Variants in KLHL14 observed in about 807,000 individuals in gnomAD.
The protein encoded by KLHL14 is kelch-like protein 14.
In KLHL14, 22 loss-of-function variants were observed where a neutral mutation model predicts 64.3. That is an observed-to-expected ratio of 0.34 (90% CI 0.24 to 0.49). The LOEUF (loss-of-function observed/expected upper bound fraction) is 0.49, where lower values mean the gene tolerates loss of function less well. Among genes scored for constraint, KLHL14 ranks in the 20% least tolerant of loss-of-function variants. The pLI, the probability that KLHL14 is intolerant of heterozygous loss-of-function variation, is 0.99. For missense variants in KLHL14, 661 were observed against 789.0 expected, an observed-to-expected ratio of 0.84 and a Z score of 1.94; for synonymous variants, 322 against 333.4, an observed-to-expected ratio of 0.97 and a Z score of 0.37.
intron 7 of KLHL14, 23 bp from the exon 8 acceptor site, chr18:32,677,353 A>G: frequency 6.3e-7 from 1 of 1,593,256 alleles, no homozygotes; most frequent in South Asian, 1.1e-5. Flanking sequence ...ACAAAGTGGA[A>G]CAACAAAATG....
At chr18:32,715,574 T>G (rs1193442787) in intron 3 of KLHL14, among the ~76,000 whole-genome samples, 1 of 152,160 alleles carries the variant, frequency 6.6e-6, no homozygotes, top group East Asian at 1.9e-4. Context: ...TATAATAAAT[T>G]GTTTTAAGTT....
chr18:32,685,303 G>T (rs1297456878), intron 5 of KLHL14, among the ~76,000 whole-genome samples: 2 of 152,094 alleles, frequency 1.3e-5, no homozygotes, highest in Non-Finnish European at 2.9e-5. Flanking sequence ...AGGTTTTGCA[G>T]CAATACTTCC....
intron 3 of KLHL14, among the ~76,000 whole-genome samples, chr18:32,699,562 G>T (rs2049953600): frequency 6.6e-6 from 1 of 152,034 alleles, no homozygotes; most frequent in Admixed American, 6.6e-5. Flanking sequence ...GTACCGAACG[G>T]CAGAGATAGA....
At chr18:32,714,680 C>A (rs1355042561) in intron 3 of KLHL14, among the ~76,000 whole-genome samples, 1 of 152,184 alleles carries the variant, frequency 6.6e-6, no homozygotes, top group African/African-American at 2.4e-5. Context: ...ACACCCGTTG[C>A]TGCTTCCTGT....
In KLHL14 at chr18:32,677,174, A is replaced by T; in HGVS notation, c.1745T>A (p.Met582Lys). 1 of 1,611,184 alleles carries T rather than the reference A, an allele frequency of 6.2e-7. No individual in the cohort carries two copies. The highest frequency in any genetic ancestry group is 8.5e-7 in the Non-Finnish European group (1 of 1,178,898). Residue 582 changes from methionine to lysine, a missense_variant and splice_region_variant, in exon 8 of 9, where the codon ATG (methionine) becomes AAG (lysine). Coordinates refer to ENST00000359358, the MANE Select transcript of KLHL14 (RefSeq NM_020805.3). ...IYLVGGYSWS[M>K]GAYKSSTICY... ...GATGCAGTAAATGTGGACACATACC[A>T]TACTCCAGCTGTAGCCTCCCACAAG...
intron 4 of KLHL14, among the ~76,000 whole-genome samples, chr18:32,692,492 G>A (rs1275983002): frequency 6.6e-6 from 1 of 152,172 alleles, no homozygotes; most frequent in Non-Finnish European, 1.5e-5. Context: ...ATGTTTTAGT[G>A]TTAATTGCAT....
chr18:32,695,550 T>C lies in KLHL14; in HGVS notation c.1072A>G (p.Met358Val). 6.3e-7 allele frequency: 1 copy of C among 1,575,034 alleles called. No individual in the cohort carries two copies. The highest frequency in any genetic ancestry group is 8.6e-7 in the Non-Finnish European group (1 of 1,156,392). ...CAGTGGTGGGCACTGTTGTATGGCA[T>C]AACTGAAATTAAGAAAAAAAAAAAA... ...EKKTWKILTI[M>V]PYNSAHHCVV... is the part of the protein sequence containing the mutation. The change falls in exon 4 of 9, where the codon ATG (methionine) becomes GTG (valine). Residue 358 changes from methionine (M) to valine (V), a missense_variant and splice_region_variant. Transcript: ENST00000359358.
At chr18:32,769,590 C>CCCCCCACAGG in intron 2 of KLHL14, 55 bp downstream of exon 2, 1 of 843,112 alleles carries the variant, frequency 1.2e-6, no homozygotes, top group Non-Finnish European at 1.6e-6. Flanking sequence ...CCCCTCCCTC[C>CCCCCCACAGG]GGCCTCTCTG....
At chr18:32,686,751 T>C (rs2049881223) in intron 5 of KLHL14, among the ~76,000 whole-genome samples, 1 of 152,162 alleles carries the variant, frequency 6.6e-6, no homozygotes, top group Admixed American at 6.5e-5. Flanking sequence ...TTGAATTTAA[T>C]ATTAAATAAT....
At chr18:32,704,225 T>G (rs2144493752) in intron 3 of KLHL14, among the ~76,000 whole-genome samples, 1 of 152,270 alleles carries the variant, frequency 6.6e-6, no homozygotes, top group African/African-American at 2.4e-5. Flanking sequence ...CAAAAATGAT[T>G]GTTATGTAGT....
At chr18:32,692,314 G>A (rs1303866195) in intron 4 of KLHL14, among the ~76,000 whole-genome samples, 2 of 151,998 alleles carry the variant, frequency 1.3e-5, no homozygotes, top group African/African-American at 4.8e-5. Flanking sequence ...TACTTCAAGG[G>A]CACACATCTC....
chr18:32,757,567 A>G (rs975076615), intron 2 of KLHL14, among the ~76,000 whole-genome samples: 6 of 152,154 alleles, frequency 3.9e-5, no homozygotes, highest in Non-Finnish European at 7.3e-5. Flanking sequence ...ATCAGTTATC[A>G]TGTCTTGGAA....
intron 7 of KLHL14, among the ~76,000 whole-genome samples, chr18:32,678,644 G>A (rs962497529): frequency 1.3e-5 from 2 of 152,128 alleles, no homozygotes; most frequent in African/African-American, 4.8e-5. Flanking sequence ...TGTTATACAT[G>A]GGAACTGTAA....
At chr18:32,734,408 G>C (rs2050152799) in intron 3 of KLHL14, among the ~76,000 whole-genome samples, 1 of 152,192 alleles carries the variant, frequency 6.6e-6, no homozygotes, top group Non-Finnish European at 1.5e-5. Flanking sequence ...ATCAACCTGT[G>C]TTGGACATGT....
chr18:32,739,483 T>G (rs1292622095), intron 3 of KLHL14, among the ~76,000 whole-genome samples: 1 of 152,130 alleles, frequency 6.6e-6, no homozygotes, highest in Non-Finnish European at 1.5e-5. Context: ...GGCCATATAG[T>G]CATAGTCTAG....
intron 4 of KLHL14, among the ~76,000 whole-genome samples, chr18:32,692,985 A>C (rs2144483283): frequency 6.6e-6 from 1 of 152,296 alleles, no homozygotes; most frequent in South Asian, 2.1e-4. Flanking sequence ...GGTTGACCAG[A>C]TGGATGGAGT....
intron 5 of KLHL14, among the ~76,000 whole-genome samples, chr18:32,685,896 C>T (rs965637827): frequency 2.0e-5 from 3 of 151,960 alleles, no homozygotes; most frequent in Non-Finnish European, 4.4e-5. Context: ...GATTAAGGAT[C>T]CAATTTAATC....
chr18:32,715,820 GA>G (rs2050042577), intron 3 of KLHL14, among the ~76,000 whole-genome samples: 1 of 152,172 alleles, frequency 6.6e-6, no homozygotes, highest in South Asian at 2.1e-4. Context: ...AGTCAAAGAT[GA>G]TTGTAGCAAA....
intron 7 of KLHL14, among the ~76,000 whole-genome samples, chr18:32,678,126 G>A (rs2049820293): frequency 6.6e-6 from 1 of 152,002 alleles, no homozygotes; most frequent in South Asian, 2.1e-4. Context: ...TGGTGTCTGG[G>A]GCACTACCTA....
Sources: allele counts gnomAD v4.1 joint callset (sites outside exome capture counted in the v4.1 genomes callset), GRCh38; gene constraint gnomAD v4.1.1; transcripts MANE v1.5; gene names NCBI Gene and HGNC (gene_info 2026-07-23, HGNC 2026-07-21).